Variants in HMCN2 observed in about 807,000 individuals in gnomAD.
The protein encoded by HMCN2 is hemicentin-2.
A neutral mutation model predicts 377.5 loss-of-function variants in HMCN2; 325 were observed. That is an observed-to-expected ratio of 0.86 (90% CI 0.79 to 0.94). The LOEUF is 0.94. Among genes scored for constraint, HMCN2 ranks in the 40% least tolerant of loss-of-function variants. HMCN2 has a pLI of 0.00. For missense variants in HMCN2, 4,543 were observed against 4,725.3 expected, an observed-to-expected ratio of 0.96 and a Z score of 1.13; for synonymous variants, 2,007 against 2,046.8, an observed-to-expected ratio of 0.98 and a Z score of 0.53.
intron 31 of HMCN2, 70 bp downstream of exon 31, chr9:130,353,275 G>A: frequency 8.0e-7 from 1 of 1,252,186 alleles, no homozygotes; most frequent in Non-Finnish European, 1.0e-6. Flanking sequence ...GCCCCTGCCT[G>A]TCTCCAAAGG....
intron 85 of HMCN2, among the ~76,000 whole-genome samples, chr9:130,418,474 G>A (rs1368833720): frequency 1.3e-5 from 2 of 152,134 alleles, no homozygotes; most frequent in Admixed American, 1.3e-4. Context: ...TTGAACCCAG[G>A]AGGCAGAGAT....
At chr9:130,385,138 C>A (rs1229926933) in intron 59 of HMCN2, among the ~76,000 whole-genome samples, 1 of 150,628 alleles carries the variant, frequency 6.6e-6, no homozygotes, top group Non-Finnish European at 1.5e-5. Context: ...CGGGGCTGGT[C>A]CATTCACTTG....
At chr9:130,322,109 A>T (rs911210537) in intron 19 of HMCN2, among the ~76,000 whole-genome samples, 178 bp downstream of exon 19, 4 of 152,182 alleles carry the variant, frequency 2.6e-5, no homozygotes, top group Admixed American at 1.3e-4. Context: ...TCATAATACC[A>T]GTAGCTAAGA....
At chr9:130,424,987 G>A (rs754921713) in intron 88 of HMCN2, 22 bp from the exon 89 acceptor site, 2 of 1,532,322 alleles carry the variant, frequency 1.3e-6, no homozygotes, top group South Asian at 2.5e-5. Context: ...GTGACTCTGG[G>A]CTGGGTGGGG....
chr9:130,425,405 C>T (rs1036629592), intron 89 of HMCN2, among the ~76,000 whole-genome samples: 1 of 152,000 alleles, frequency 6.6e-6, no homozygotes, highest in East Asian at 1.9e-4. Context: ...CCTAGAGCAG[C>T]CCAGCTGGTT....
At position 130,397,648 on chromosome 9, in the gene HMCN2, G is replaced by A. The variant is rs139440057; in HGVS notation, c.11319G>A (p.Arg3773=). 6.9e-3 allele frequency: 8,890 copies of A among 1,289,762 alleles called. 244 individuals are homozygous for A. The Admixed American group carries it at 0.084, about 12-fold the overall frequency. 79.9% of individuals were successfully genotyped at this position (1,289,762 alleles called of 1,614,324 possible). A position where few individuals can be genotyped will look rare whatever the true frequency, so the allele number is the denominator to read the frequency against. ...AGSDRQGRDL[R]VLEPPAIAPS... is the part of the protein sequence containing the mutation. Reference sequence around the variant, plus strand: ...CCGATCGTCAAGGCCGTGACCTACGGGTCTTGGGTAGGTGGCCTGGGGAAG... The same window carrying A: ...CCGATCGTCAAGGCCGTGACCTACGAGTCTTGGGTAGGTGGCCTGGGGAAG... Residue 3773 remains arginine, a synonymous_variant, in exon 74 of 98, where the codon CGG becomes CGA. Transcript: ENST00000683500.
chr9:130,407,523 G>A, intron 82 of HMCN2, 48 bp from the exon 83 acceptor site: 1 of 1,282,902 alleles, frequency 7.8e-7, no homozygotes, highest in South Asian at 1.2e-5. Context: ...CCAGGGAAGT[G>A]TTTAGGGCAG....
chr9:130,347,805 C>T lies in HMCN2; in HGVS notation c.4024+445C>T, dbSNP rs1361287942. ...CTGAGGCAGGAGAATTGCTTGAGCC[C>T]AGGAGATCGAGACCAGTTTGGGAGA... On this transcript the variant is annotated intron_variant, in intron 26 of 97. Transcript: ENST00000683500. The surrounding 1 kb of genome is among the most constrained non-coding windows in gnomAD (Gnocchi z 5.1). Among the ~76,000 whole-genome samples the T allele has an allele frequency of 1.3e-5, 2 of 152,136 alleles. No homozygotes were observed. Among genetic ancestry groups the T allele is most frequent in the Non-Finnish European group, 2.9e-5 (2 of 68,024 alleles).
intron 25 of HMCN2, among the ~76,000 whole-genome samples, chr9:130,342,904 T>C (rs1839135594): frequency 6.6e-6 from 1 of 152,124 alleles, no homozygotes; most frequent in African/African-American, 2.4e-5. Context: ...AGGAGCACGG[T>C]GTGGGGCCGA....
In HMCN2 at chr9:130,373,054, G is replaced by C. The variant is rs1373737792; in HGVS notation, c.7368G>C (p.Glu2456Asp). Residue 2456 changes from glutamate to aspartate, a missense_variant, in exon 48 of 98, where the codon GAG (glutamate) becomes GAC (aspartate). This residue lies in a region of HMCN2 where 1,032 missense variants were observed against 1,285.1 expected (regional missense o/e 0.80). Transcript: ENST00000683500. ...TTCTCCCAGTTCCTCCCAGTATTGAGAACGAGGACTTGGAGGAGGTGATCA... is the reference window on the plus strand; with the variant it reads ...TTCTCCCAGTTCCTCCCAGTATTGACAACGAGGACTTGGAGGAGGTGATCA... ...SVEVLVPPSI[E>D]NEDLEEVIKV... is the part of the protein sequence containing the mutation. The C allele has an allele frequency of 1.0e-6, 1 of 960,136 alleles. No individual in the cohort carries two copies. Among genetic ancestry groups the C allele is most frequent in the Non-Finnish European group, 1.2e-6 (1 of 820,588 alleles). 59.5% of individuals were successfully genotyped at this position (960,136 alleles called of 1,614,324 possible). A position where few individuals can be genotyped will look rare whatever the true frequency, so the allele number is the denominator to read the frequency against.
chr9:130,344,054 TCTCCTTGTC>T (rs1295732888), intron 25 of HMCN2, among the ~76,000 whole-genome samples: 17 of 151,932 alleles, frequency 1.1e-4, no homozygotes, highest in African/African-American at 3.9e-4. Context: ...TGCCCGGGGA[TCTCCTTGTC>T]CTCCTTGTCA....
intron 48 of HMCN2, among the ~76,000 whole-genome samples, chr9:130,373,665 G>GTGGA (rs1194440061): frequency 2.2e-5 from 3 of 136,352 alleles, no homozygotes; most frequent in African/African-American, 5.2e-5. Flanking sequence ...AGGTAGGTGG[G>GTGGA]TGGATGGATG....
At chr9:130,315,613 C>T (rs1665754064) in intron 15 of HMCN2, among the ~76,000 whole-genome samples, 1 of 151,128 alleles carries the variant, frequency 6.6e-6, no homozygotes, top group Non-Finnish European at 1.5e-5. Context: ...CTGCCATCCT[C>T]GGGAGCCAGG....
intron 76 of HMCN2, 188 bp from the exon 77 acceptor site, chr9:130,400,595 A>G: frequency 4.2e-6 from 1 of 237,328 alleles, no homozygotes; most frequent in Non-Finnish European, 8.2e-6. Context: ...TTTAAAGAAA[A>G]AAAACTATAG....
At chr9:130,408,591 C>G (rs566955130) in intron 83 of HMCN2, among the ~76,000 whole-genome samples, 152 bp from the exon 84 acceptor site, 2 of 152,328 alleles carry the variant, frequency 1.3e-5, no homozygotes, top group African/African-American at 4.8e-5. Flanking sequence ...TTTGCTGTCC[C>G]TGATGCACTG....
chr9:130,354,962 G>A lies in HMCN2; in HGVS notation c.5064G>A (p.Gly1688=), dbSNP rs1839946377. The stretch of plus-strand genomic sequence containing the variant: ...GTGTGCTGAGGCTGGAGAGCCCGGG[G>A]GAGGCATCCAGTGGCCTGTACAGCT... ...DGSVLRLESP[G]EASSGLYSCV... Residue 1688 remains glycine (G), a synonymous_variant, in exon 32 of 98, where the codon GGG becomes GGA. Coordinates refer to ENST00000683500, the MANE Select transcript of HMCN2 (RefSeq NM_001291815.2). 1 of 1,302,010 alleles carries A rather than the reference G, an allele frequency of 7.7e-7. No homozygotes were observed. Among genetic ancestry groups the A allele is most frequent in the African/African-American group, 1.5e-5 (1 of 65,870 alleles). The allele number at this position is 1,302,010 out of a possible 1,614,324, so 80.7% of individuals were successfully genotyped here.
chr9:130,329,875 C>A (rs1339918856), intron 22 of HMCN2, among the ~76,000 whole-genome samples: 1 of 152,092 alleles, frequency 6.6e-6, no homozygotes, highest in African/African-American at 2.4e-5. Flanking sequence ...CACACCCCCT[C>A]CGTCCCTCAG....
intron 43 of HMCN2, among the ~76,000 whole-genome samples, chr9:130,366,540 G>A (rs1211951687): frequency 1.7e-5 from 2 of 117,934 alleles, no homozygotes; most frequent in Admixed American, 2.6e-4. Flanking sequence ...TGCAACCTCC[G>A]CCTCCTGGGT....
At chr9:130,341,600 A>G (rs1035999857) in intron 24 of HMCN2, among the ~76,000 whole-genome samples, 10 of 152,300 alleles carry the variant, frequency 6.6e-5, no homozygotes, top group African/African-American at 2.4e-4. Flanking sequence ...CAGAGCTCCC[A>G]GCAGGGATTC....
Sources: gnomAD v4.1 joint callset for allele counts (sites outside exome capture counted in the v4.1 genomes callset) on GRCh38, gnomAD v4.1.1 for gene constraint, gnomAD v4.1.1 regional missense constraint, Gnocchi (gnomAD v3.1) non-coding constraint, MANE v1.5 for transcripts, NCBI Gene and HGNC (gene_info 2026-07-23, HGNC 2026-07-21) for gene names.